Variants in TOX observed in about 807,000 individuals in gnomAD.
The protein encoded by TOX is thymocyte selection associated high mobility group box, also known as thymocyte selection-associated high mobility group box protein TOX.
In TOX, 11 loss-of-function variants were observed where a neutral mutation model predicts 53.7. The observed-to-expected ratio is 0.20, with a 90% CI of 0.13 to 0.34. TOX has a LOEUF of 0.34. TOX is among the 10% of genes least tolerant of loss of function. The probability of loss-of-function intolerance (pLI) is 1.00; values close to 1 mark genes in which losing one functional copy is unlikely to be tolerated. For synonymous variants in TOX, 225 were observed against 245.3 expected, an observed-to-expected ratio of 0.92 and a Z score of 0.77; for missense variants, 570 against 664.6, an observed-to-expected ratio of 0.86 and a Z score of 1.56.
chr8:58,860,175 A>G (rs1486745008), intron 3 of TOX, among the ~76,000 whole-genome samples: 1 of 152,144 alleles, frequency 6.6e-6, no homozygotes, highest in African/African-American at 2.4e-5. Context: ...TGTTCATGAC[A>G]CCTAGCTGCC....
intron 3 of TOX, among the ~76,000 whole-genome samples, chr8:58,905,795 T>C (rs934182013): frequency 2.6e-5 from 4 of 152,232 alleles, no homozygotes; most frequent in African/African-American, 9.6e-5. Flanking sequence ...TGTTTCATTA[T>C]CCAATCATTC....
intron 2 of TOX, among the ~76,000 whole-genome samples, chr8:58,956,581 T>C (rs962266548): frequency 2.6e-5 from 4 of 152,200 alleles, no homozygotes; most frequent in Admixed American, 1.3e-4. Context: ...TGTACTCACT[T>C]AGCAAACATC....
Position 59,032,634 on chromosome 8 carries a change from A to G in TOX, c.103-72626T>C, listed in dbSNP as rs374921016. Among the ~76,000 whole-genome samples the G allele has an allele frequency of 5.9e-5, 9 of 152,292 alleles. No homozygotes were observed. In the South Asian group the frequency reaches 8.3e-4, roughly 14 times the overall value. On this transcript the variant is annotated intron_variant, in intron 1 of 8. Coordinates refer to ENST00000361421, the MANE Select transcript of TOX (RefSeq NM_014729.3). ...GCTTTGTGAGTCCAGGCAATGTGTT[A>G]GGTGCTTCAATTACACCATTTCACT...
At chr8:58,812,186 C>G (rs1221207570) in intron 7 of TOX, among the ~76,000 whole-genome samples, 1 of 152,154 alleles carries the variant, frequency 6.6e-6, no homozygotes, top group Middle Eastern at 3.2e-3. Flanking sequence ...TGGGCCCCAA[C>G]AGACTGTGGC....
Position 58,948,698 on chromosome 8 carries a change from A to T in TOX, c.169-9154T>A, listed in dbSNP as rs1812565823. Among the ~76,000 whole-genome samples, 3 of 140,082 alleles carry T rather than the reference A, an allele frequency of 2.1e-5. No individual in the cohort carries two copies. The South Asian group carries it at 7.2e-4, about 34-fold the overall frequency. 91.9% of individuals were successfully genotyped at this position (140,082 alleles called of 152,430 possible). ...CATCATTCAGCATATAATTTTATAC[A>T]TAATGCAATCTATTTTTTTTAGTCA... is the stretch of plus-strand genomic sequence containing the variant. On this transcript the variant is annotated intron_variant, in intron 2 of 8. Coordinates refer to ENST00000361421, the MANE Select transcript of TOX (RefSeq NM_014729.3).
intron 3 of TOX, among the ~76,000 whole-genome samples, chr8:58,879,566 GA>G (rs543408400): frequency 1.3e-5 from 2 of 151,764 alleles, no homozygotes; most frequent in African/African-American, 2.4e-5. Context: ...CATTATAAAT[GA>G]AAAAAAATAT....
intron 1 of TOX, among the ~76,000 whole-genome samples, chr8:59,111,359 A>G (rs1173385517): frequency 6.6e-6 from 1 of 152,196 alleles, no homozygotes. Flanking sequence ...TCTCAACAGC[A>G]TCTTCTCCTG....
chr8:59,043,201 C>CTGTG (rs10660376), intron 1 of TOX, among the ~76,000 whole-genome samples: 106,592 of 147,860 alleles, frequency 0.72, 39,723 homozygotes, highest in East Asian at 0.81. Context: ...ACTTTCTTTT[C>CTGTG]TGTGTGTGTG....
At chr8:58,965,840 A>G (rs1277813316) in intron 1 of TOX, among the ~76,000 whole-genome samples, 1 of 151,746 alleles carries the variant, frequency 6.6e-6, no homozygotes, top group African/African-American at 2.4e-5. Context: ...AATATCCCCA[A>G]AACAAAATTT....
At chr8:58,982,768 AG>A (rs1813228374) in intron 1 of TOX, among the ~76,000 whole-genome samples, 1 of 152,156 alleles carries the variant, frequency 6.6e-6, no homozygotes, top group Non-Finnish European at 1.5e-5. Flanking sequence ...AATGTCCTTA[AG>A]TTATAGCCTT....
intron 1 of TOX, among the ~76,000 whole-genome samples, chr8:58,965,959 C>G (rs142733833): frequency 2.3e-3 from 260 of 111,494 alleles, no homozygotes; most frequent in Middle Eastern, 9.1e-3. Flanking sequence ...GCAATGAAGA[C>G]TTTGTTGTTT....
intron 1 of TOX, among the ~76,000 whole-genome samples, chr8:59,021,481 A>AAAAAAAAAATATATAT (rs59174995): frequency 6.2e-5 from 4 of 64,736 alleles, no homozygotes; most frequent in Non-Finnish European, 1.2e-4. Context: ...AAAAAAAAAA[A>AAAAAAAAAATATATAT]ATATATATAT....
chr8:59,088,745 A>G (rs997201022), intron 1 of TOX, among the ~76,000 whole-genome samples: 7 of 152,224 alleles, frequency 4.6e-5, no homozygotes, highest in African/African-American at 7.2e-5. Context: ...CAAATGAGGT[A>G]GCTGTGGTGT....
chr8:58,826,973 A>T (rs1810376620), intron 5 of TOX, 71 bp from the exon 6 acceptor site: 2 of 1,162,704 alleles, frequency 1.7e-6, no homozygotes, highest in Non-Finnish European at 2.5e-6. Flanking sequence ...TACAATATAG[A>T]ATGATAACTG....
Position 58,959,939 on chromosome 8 carries a change from C to T in TOX, c.168+4G>A, listed in dbSNP as rs557559107. The T allele has an allele frequency of 6.2e-7, 1 of 1,614,116 alleles. No homozygotes were observed. Among genetic ancestry groups the T allele is most frequent in the African/African-American group, 1.3e-5 (1 of 75,040 alleles). On this transcript the variant is annotated splice_donor_region_variant and intron_variant, in intron 2 of 8. Coordinates refer to ENST00000361421, the MANE Select transcript of TOX (RefSeq NM_014729.3). Reference sequence around the variant, plus strand: ...AACAAGGCAGAGAAGATTAATTAACCCACCTGGCTGGCTGGCACATAGTCC... The same window carrying T: ...AACAAGGCAGAGAAGATTAATTAACTCACCTGGCTGGCTGGCACATAGTCC...
intron 3 of TOX, among the ~76,000 whole-genome samples, chr8:58,892,989 T>C (rs944494361): frequency 6.6e-6 from 1 of 152,222 alleles, no homozygotes; most frequent in East Asian, 1.9e-4. Context: ...TAGAAGCAGA[T>C]GAATTTGTTG....
intron 4 of TOX, among the ~76,000 whole-genome samples, chr8:58,849,576 T>C (rs182043410): frequency 1.1e-4 from 16 of 152,300 alleles, no homozygotes; most frequent in African/African-American, 3.6e-4. Context: ...TGAATGTTAA[T>C]TCTATGAATT....
chr8:58,932,143 G>A (rs4737528), intron 3 of TOX, among the ~76,000 whole-genome samples: 137,804 of 152,114 alleles, frequency 0.91, 62,545 homozygotes, highest in East Asian at 0.99. Context: ...GTCCAAAAAG[G>A]AAAAAACCCA....
At chr8:58,891,128 G>A (rs1811553447) in intron 3 of TOX, among the ~76,000 whole-genome samples, 1 of 152,072 alleles carries the variant, frequency 6.6e-6, no homozygotes. Context: ...GATAAAGAGA[G>A]GAAAGATGGA....
Sources: gnomAD v4.1 joint callset for allele counts (sites outside exome capture counted in the v4.1 genomes callset) on GRCh38, gnomAD v4.1.1 for gene constraint, MANE v1.5 for transcripts, NCBI Gene and HGNC (gene_info 2026-07-23, HGNC 2026-07-21) for gene names.